The following RBFOX1 variants were observed in gnomAD, a reference collection of about 807,000 sequenced individuals.
RBFOX1 encodes the protein RNA binding protein fox-1 homolog 1.
RBFOX1 carries 8 observed loss-of-function variants against 57.7 expected under a neutral mutation model. The observed-to-expected ratio is 0.14, with a 90% confidence interval of 0.08 to 0.25. RBFOX1 has a LOEUF of 0.25. Among genes scored for constraint, RBFOX1 ranks in the 10% least tolerant of loss-of-function variants. The pLI is 1.00. For missense variants in RBFOX1, 611 were observed against 548.5 expected (o/e 1.11, Z -1.14); for synonymous variants, 326 against 222.4 (o/e 1.47, Z -4.15).
intron 3 of RBFOX1, among the ~76,000 whole-genome samples, chr16:6,897,718 G>A (rs60059695): frequency 0.08 from 12,144 of 151,894 alleles, 1,632 homozygotes; most frequent in African/African-American, 0.27. Flanking sequence ...GCTTGAACCC[G>A]GGAGGCAGAG....
intron 3 of RBFOX1, among the ~76,000 whole-genome samples, chr16:6,896,451 C>T (rs986588049): frequency 2.6e-5 from 4 of 152,170 alleles, no homozygotes; most frequent in Non-Finnish European, 5.9e-5. Context: ...AACTATCCTT[C>T]TACTGTCTAT....
At chr16:7,397,857 G>C (rs181805759) in intron 4 of RBFOX1, among the ~76,000 whole-genome samples, 2 of 152,214 alleles carry the variant, frequency 1.3e-5, no homozygotes, top group East Asian at 3.9e-4. Flanking sequence ...AAACCTCTTA[G>C]TCTATTGGAA....
chr16:7,151,985 G>T (rs1325736131), intron 4 of RBFOX1, among the ~76,000 whole-genome samples: 1 of 152,136 alleles, frequency 6.6e-6, no homozygotes, highest in Non-Finnish European at 1.5e-5. Context: ...CTGCTGTGTG[G>T]CCTGGTTTCT....
In RBFOX1 at chr16:7,567,013, A is replaced by C. The variant is rs561154716; in HGVS notation, c.271-12764A>C. ...ACCCAAAAATAATGGTATCAACAAA[A>C]GTCACAGCTGACAGCTACTGCTAAT... On this transcript the variant is annotated intron_variant, in intron 5 of 15. Coordinates refer to ENST00000550418, the MANE Select transcript of RBFOX1 (RefSeq NM_018723.4). 4.3e-4 allele frequency among the ~76,000 whole-genome samples: 65 copies of C among 151,960 alleles called. 1 individual carries two copies. The South Asian group carries it at 0.013, about 31-fold the overall frequency.
At chr16:6,540,732 A>G (rs1362735260) in intron 2 of RBFOX1, among the ~76,000 whole-genome samples, 1 of 151,500 alleles carries the variant, frequency 6.6e-6, no homozygotes, top group Non-Finnish European at 1.5e-5. Flanking sequence ...ACATATTCAG[A>G]TTTTAAATTT....
chr16:6,297,910 T>C (rs143435445), intron 1 of RBFOX1, among the ~76,000 whole-genome samples: 115 of 152,274 alleles, frequency 7.6e-4, no homozygotes, highest in African/African-American at 2.4e-3. Flanking sequence ...TCTATCCAGA[T>C]GAGAGCCACC....
intron 3 of RBFOX1, among the ~76,000 whole-genome samples, chr16:5,779,178 A>T (rs914027567): frequency 1.7e-4 from 26 of 152,206 alleles, no homozygotes; most frequent in African/African-American, 6.3e-4. Context: ...AATGACTGTT[A>T]GGTCAGCTTT....
At chr16:7,461,916 C>A (rs2059654832) in intron 4 of RBFOX1, among the ~76,000 whole-genome samples, 1 of 152,200 alleles carries the variant, frequency 6.6e-6, no homozygotes, top group Non-Finnish European at 1.5e-5. Flanking sequence ...AGAGAGACTT[C>A]TACCCTCCCA....
At chr16:6,036,861 C>T (rs751813679) in intron 1 of RBFOX1, among the ~76,000 whole-genome samples, 1 of 152,134 alleles carries the variant, frequency 6.6e-6, no homozygotes, top group Admixed American at 6.5e-5. Flanking sequence ...CTATATGGGA[C>T]ACACAAAAAA....
chr16:5,393,743 T>C lies in RBFOX1; in HGVS notation c.220-73473T>C, dbSNP rs140498959. Reference sequence around the variant, plus strand: ...AAAATGTAATCATGTTTACCATGTCTAAACCATGTGTACAGTTCATTGGCT... The same window carrying C: ...AAAATGTAATCATGTTTACCATGTCCAAACCATGTGTACAGTTCATTGGCT... On this transcript the variant is annotated intron_variant, in intron 1 of 2. Transcript: ENST00000585867. Among the ~76,000 whole-genome samples the C allele has an allele frequency of 3.3e-3, 500 of 152,356 alleles. 15 individuals are homozygous for C. The highest frequency in any genetic ancestry group is 0.027 in the Admixed American group (419 of 15,306).
At chr16:6,945,289 A>G (rs2079277483) in intron 3 of RBFOX1, among the ~76,000 whole-genome samples, 2 of 152,088 alleles carry the variant, frequency 1.3e-5, no homozygotes, top group Non-Finnish European at 2.9e-5. Flanking sequence ...TATGATGGTG[A>G]GAATGTGTAC....
intron 3 of RBFOX1, among the ~76,000 whole-genome samples, chr16:5,637,938 A>G (rs2048736447): frequency 6.6e-6 from 1 of 152,178 alleles, no homozygotes; most frequent in Non-Finnish European, 1.5e-5. Context: ...CTTTTGAAAA[A>G]TGCCTAGAGG....
chr16:6,781,560 C>G (rs1312421851), intron 3 of RBFOX1, among the ~76,000 whole-genome samples: 1 of 152,074 alleles, frequency 6.6e-6, no homozygotes, highest in Non-Finnish European at 1.5e-5. Context: ...AAGTCCTGGC[C>G]TTTTCTCTGG....
At chr16:6,807,240 A>G (rs377726303) in intron 3 of RBFOX1, among the ~76,000 whole-genome samples, 1 of 152,244 alleles carries the variant, frequency 6.6e-6, no homozygotes, top group East Asian at 1.9e-4. Flanking sequence ...GTGACAGCTG[A>G]TGCCCTCTTA....
At chr16:6,327,186 T>C (rs1270653098) in intron 2 of RBFOX1, among the ~76,000 whole-genome samples, 2 of 152,186 alleles carry the variant, frequency 1.3e-5, no homozygotes, top group African/African-American at 2.4e-5. Context: ...TTGTGATTTG[T>C]GTTATTATTT....
intron 3 of RBFOX1, among the ~76,000 whole-genome samples, chr16:6,884,742 A>C (rs1567709948): frequency 6.6e-6 from 1 of 152,118 alleles, no homozygotes; most frequent in African/African-American, 2.4e-5. Context: ...TACTAAAAAT[A>C]CAAAAATTAG....
At position 5,559,403 on chromosome 16, in the gene RBFOX1, G is replaced by T. The variant is rs115854557; in HGVS notation, c.259-39499G>T. ...CTGTGATCCTCAGATCTGAAATATG[G>T]CAGCTAATAGGCTAATACATGAGGA... On this transcript the variant is annotated intron_variant, in intron 2 of 2. Coordinates refer to the RBFOX1 transcript ENST00000585867. 8.9e-3 allele frequency among the ~76,000 whole-genome samples: 1,350 copies of T among 152,214 alleles called. 26 individuals carry two copies. The highest frequency in any genetic ancestry group is 0.031 in the African/African-American group (1,274 of 41,534).
chr16:5,477,807 C>T (rs1423680225), intron 2 of RBFOX1, among the ~76,000 whole-genome samples: 1 of 152,120 alleles, frequency 6.6e-6, no homozygotes, highest in Non-Finnish European at 1.5e-5. Flanking sequence ...TGCAAAATGA[C>T]GTGTTGTCTC....
intron 4 of RBFOX1, among the ~76,000 whole-genome samples, chr16:7,219,056 T>C (rs1274078445): frequency 6.6e-6 from 1 of 152,154 alleles, no homozygotes; most frequent in African/African-American, 2.4e-5. Flanking sequence ...CACGCCTTTG[T>C]AAATGAATGT....
Sources: gnomAD v4.1 joint callset for allele counts (sites outside exome capture counted in the v4.1 genomes callset) on GRCh38, gnomAD v4.1.1 for gene constraint, MANE v1.5 for transcripts, NCBI Gene and HGNC (gene_info 2026-07-23, HGNC 2026-07-21) for gene names.